The following CATSPERE variants were observed in gnomAD, a reference collection of about 807,000 sequenced individuals.
The protein encoded by CATSPERE is cation channel sperm-associated auxiliary subunit epsilon.
A neutral mutation model predicts 114.1 loss-of-function variants in CATSPERE; 93 were observed. The observed-to-expected ratio is 0.81, with a 90% CI of 0.69 to 0.97. The LOEUF (loss-of-function observed/expected upper bound fraction) is 0.97, where lower values mean the gene tolerates loss of function less well. CATSPERE is among the 50% of genes least tolerant of loss of function. CATSPERE has a pLI of 0.00. For missense variants in CATSPERE, 1,058 were observed against 1,131.6 expected (o/e 0.93, Z 0.93); for synonymous variants, 341 against 384.1 (o/e 0.89, Z 1.31).
intron 18 of CATSPERE, among the ~76,000 whole-genome samples, chr1:244,609,979 C>T (rs7534235): frequency 0.046 from 7,064 of 152,130 alleles, 523 homozygotes; most frequent in African/African-American, 0.16. Context: ...CCCAGGAGCT[C>T]GAGGCTGCAG....
rs1369263112 is a variant in CATSPERE, at chr1:244,517,773, C to G, written c.430-819C>G. ...GGGCAACACAGCAAAACTCTTGTCT[C>G]AAAAAAAAAAAAAATCATCAAATGA... On this transcript the variant is annotated intron_variant, in intron 7 of 21. Coordinates refer to ENST00000366534, the MANE Select transcript of CATSPERE (RefSeq NM_001130957.2). Among the ~76,000 whole-genome samples the G allele has an allele frequency of 9.9e-5, 14 of 140,918 alleles. No individual in the cohort carries two copies. The East Asian group carries it at 2.9e-3, about 29-fold the overall frequency. 92.4% of individuals were successfully genotyped at this position (140,918 alleles called of 152,430 possible). A position where few individuals can be genotyped will look rare whatever the true frequency, so the allele number is the denominator to read the frequency against.
rs1246358466 is a variant in CATSPERE, at chr1:244,504,363, C to T, written c.429+5284C>T. ...TATTACAAAGATAGTACAAGGAGTT[C>T]CTGTTTATCCCACACCTAGTTTTCT... On this transcript the variant is annotated intron_variant, in intron 7 of 21. Transcript: ENST00000366534. This position sits in a 1 kb window ranked among gnomAD's most constrained non-coding sequence, Gnocchi z 4.1. 6.6e-6 allele frequency among the ~76,000 whole-genome samples: 1 copy of T among 152,134 alleles called. No individual in the cohort carries two copies. Among genetic ancestry groups the T allele is most frequent in the Non-Finnish European group, 1.5e-5 (1 of 68,004 alleles).
intron 9 of CATSPERE, 45 bp from the exon 10 acceptor site, chr1:244,560,623 C>G: frequency 8.9e-7 from 1 of 1,123,242 alleles, no homozygotes; most frequent in East Asian, 2.8e-5. Flanking sequence ...TTAGGCCCGT[C>G]TCTAAAATCG....
rs1036451923 is a variant in CATSPERE at position 244,573,394 on chromosome 1, G to C, written c.1950+622G>C. Among the ~76,000 whole-genome samples the C allele has an allele frequency of 6.8e-6, 1 of 147,286 alleles. No individual in the cohort carries two copies. Among genetic ancestry groups the C allele is most frequent in the African/African-American group, 2.5e-5 (1 of 40,296 alleles). ...CCACTGCACTCCAGCCTGGGTGACA[G>C]AGTGAGACTCCCTCTCAAAAAACAA... On this transcript the variant is annotated intron_variant, in intron 11 of 21. Coordinates refer to ENST00000366534, the MANE Select transcript of CATSPERE (RefSeq NM_001130957.2). The surrounding 1 kb of genome is among the most constrained non-coding windows in gnomAD (Gnocchi z 4.0).
intron 2 of CATSPERE, among the ~76,000 whole-genome samples, chr1:244,470,229 CAAG>C (rs1407641417): frequency 6.6e-6 from 1 of 152,162 alleles, no homozygotes; most frequent in Non-Finnish European, 1.5e-5. Context: ...AGGACATCAT[CAAG>C]AAAGTGAAGA....
chr1:244,484,528 A>G (rs1183601263), intron 5 of CATSPERE, among the ~76,000 whole-genome samples: 2 of 152,182 alleles, frequency 1.3e-5, no homozygotes, highest in African/African-American at 4.8e-5. Flanking sequence ...AATTTATTTT[A>G]AAGTATTTTA....
At chr1:244,451,882 G>A (rs1351453157), upstream of CATSPERE, 17 of 1,409,738 alleles carry the variant, frequency 1.2e-5, no homozygotes, top group Non-Finnish European at 1.3e-5. This position sits in a 1 kb window ranked among gnomAD's most constrained non-coding sequence, Gnocchi z 6.6. Flanking sequence ...GAACTGAACT[G>A]CTCTGCGGCC....
chr1:244,491,233 A>T (rs1436832325), intron 6 of CATSPERE, among the ~76,000 whole-genome samples: 2 of 152,358 alleles, frequency 1.3e-5, no homozygotes, highest in Admixed American at 1.3e-4. Context: ...AACAGAAATT[A>T]TAACAAACTG....
chr1:244,463,814 C>T (rs1667180317), intron 1 of CATSPERE, 94 bp from the exon 2 acceptor site: 7 of 1,121,706 alleles, frequency 6.2e-6, no homozygotes, highest in Non-Finnish European at 8.1e-6. Context: ...GGTGACACTC[C>T]TGGCAGCCCA....
rs534898249 is a variant in CATSPERE at position 244,570,660 on chromosome 1, G to C, written c.1508-1670G>C. On this transcript the variant is annotated intron_variant, in intron 10 of 21. Coordinates refer to ENST00000366534, the MANE Select transcript of CATSPERE (RefSeq NM_001130957.2). ...ATTTAAAGCAAGGATGATTTATAAG[G>C]TTTGTAGTCAGCAGTGTGATCAGCA... Among the ~76,000 whole-genome samples the C allele has an allele frequency of 7.6e-4, 116 of 152,272 alleles. 1 individual carries two copies. The highest frequency in any genetic ancestry group is 2.7e-3 in the African/African-American group (112 of 41,546).
At chr1:244,525,734 C>T (rs1490280141) in intron 8 of CATSPERE, among the ~76,000 whole-genome samples, 4 of 152,084 alleles carry the variant, frequency 2.6e-5, no homozygotes, top group Non-Finnish European at 5.9e-5. Flanking sequence ...TTCGTAGCAG[C>T]ATTGTTTGCA....
At position 244,534,630 on chromosome 1, in the gene CATSPERE, C is replaced by CTT. The variant is rs34792816; in HGVS notation, c.536+15938_536+15939dup. Among the ~76,000 whole-genome samples, 17 of 152,192 alleles carry CTT rather than the reference C, an allele frequency of 1.1e-4. No individual in the cohort carries two copies. The East Asian group carries it at 2.1e-3, about 19-fold the overall frequency. On this transcript the variant is annotated intron_variant, in intron 8 of 21. Transcript: ENST00000366534. ...TGTTTCTTTTTAATTACTTCAATCT[C>CTT]TTTTTTTAATTTATCTGATAGGATC...
rs746074925 is a variant in CATSPERE at position 244,518,696 on chromosome 1, G to A, written c.534G>A (p.Arg178=). 1 of 1,460,752 alleles carries A rather than the reference G, an allele frequency of 6.8e-7. No individual in the cohort carries two copies. Among genetic ancestry groups the A allele is most frequent in the Non-Finnish European group, 9.3e-7 (1 of 1,075,700 alleles). The allele number at this position is 1,460,752 out of a possible 1,614,324, so 90.5% of individuals were successfully genotyped here. A position where few individuals can be genotyped will look rare whatever the true frequency, so the allele number is the denominator to read the frequency against. Reference sequence around the variant, plus strand: ...ATTCTTCAAATGAGAAAATGAGAAGGGGGTATTTAATTTTTTTTAATTTTA... The same window carrying A: ...ATTCTTCAAATGAGAAAATGAGAAGAGGGTATTTAATTTTTTTTAATTTTA... ...KVYSSNEKMR[R]GTWRIVVPMT... Residue 178 remains arginine, a splice_region_variant and synonymous_variant, in exon 8 of 22, where the codon AGG becomes AGA. Transcript: ENST00000366534.
At chr1:244,626,818 T>C (rs1573084419) in intron 20 of CATSPERE, among the ~76,000 whole-genome samples, 1 of 152,214 alleles carries the variant, frequency 6.6e-6, no homozygotes, top group African/African-American at 2.4e-5. Flanking sequence ...TTGTGGGTGG[T>C]TTGATTATCT....
chr1:244,548,810 T>TA (rs1332626510), intron 8 of CATSPERE, among the ~76,000 whole-genome samples: 3 of 152,150 alleles, frequency 2.0e-5, no homozygotes, highest in African/African-American at 7.2e-5. Flanking sequence ...GAATCATGCC[T>TA]AATATATGGT....
At chr1:244,526,264 C>G (rs1371212323) in intron 8 of CATSPERE, among the ~76,000 whole-genome samples, 1 of 151,936 alleles carries the variant, frequency 6.6e-6, no homozygotes, top group Admixed American at 6.6e-5. Context: ...CAAAAATTAG[C>G]CAGGCATGGT....
At chr1:244,546,034 G>A (rs1386972118) in intron 8 of CATSPERE, among the ~76,000 whole-genome samples, 1 of 152,186 alleles carries the variant, frequency 6.6e-6, no homozygotes, top group African/African-American at 2.4e-5. Context: ...GACCCTTTCT[G>A]GGCACCCCTG....
At position 244,573,032 on chromosome 1, in the gene CATSPERE, T is replaced by C. The variant is rs920836215; in HGVS notation, c.1950+260T>C. 2.6e-5 allele frequency among the ~76,000 whole-genome samples: 4 copies of C among 151,866 alleles called. No individual in the cohort carries two copies. Among genetic ancestry groups the C allele is most frequent in the Non-Finnish European group, 2.9e-5 (2 of 67,934 alleles). On this transcript the variant is annotated intron_variant, in intron 11 of 21. Transcript: ENST00000366534. The surrounding 1 kb of genome is among the most constrained non-coding windows in gnomAD (Gnocchi z 4.0). ...ATTGTATTGTTCACTTCTTCTTCTT[T>C]TTTTTTTTAATGCATGGCTTTCCTG... is the stretch of plus-strand genomic sequence containing the variant.
At chr1:244,632,917 CA>C (rs1332547401) in intron 20 of CATSPERE, among the ~76,000 whole-genome samples, 1 of 151,826 alleles carries the variant, frequency 6.6e-6, no homozygotes, top group Non-Finnish European at 1.5e-5. Flanking sequence ...AATATGAAGA[CA>C]TAGATTGATT....
Sources: allele counts gnomAD v4.1 joint callset (sites outside exome capture counted in the v4.1 genomes callset), GRCh38; gene constraint gnomAD v4.1.1; non-coding constraint Gnocchi (gnomAD v3.1); transcripts MANE v1.5; gene names NCBI Gene and HGNC (gene_info 2026-07-23, HGNC 2026-07-21).